The following ASTN2 variants were observed in gnomAD, a reference collection of about 807,000 sequenced individuals.
ASTN2 encodes the protein astrotactin 2.
Under a neutral mutation model 139.8 loss-of-function variants are expected in ASTN2, and 54 were observed. The ratio of observed to expected loss-of-function variants is 0.39; its 90% confidence interval spans 0.31 to 0.48. The LOEUF (loss-of-function observed/expected upper bound fraction) is 0.48. ASTN2 is among the 20% of genes least tolerant of loss of function. The pLI is 0.95. For missense variants in ASTN2, 1,565 were observed against 1,725.1 expected, an observed-to-expected ratio of 0.91 and a Z score of 1.64; for synonymous variants, 756 against 719.5, an observed-to-expected ratio of 1.05 and a Z score of -0.81.
intron 22 of ASTN2, among the ~76,000 whole-genome samples, chr9:116,428,524 CAA>C (rs56925314): frequency 1.5e-4 from 20 of 133,464 alleles, no homozygotes; most frequent in African/African-American, 5.1e-4. Flanking sequence ...AACTCCACCT[CAA>C]AAAAAAAAAA....
At chr9:116,431,420 G>A (rs1057282536) in intron 22 of ASTN2, among the ~76,000 whole-genome samples, 1 of 152,166 alleles carries the variant, frequency 6.6e-6, no homozygotes, top group African/African-American at 2.4e-5. Context: ...GAGGGCAGAG[G>A]TTAAGGGAAG....
chr9:116,775,435 GGAGGAGAGGAGAAGA>G (rs1377719263), intron 13 of ASTN2, among the ~76,000 whole-genome samples: 4 of 147,970 alleles, frequency 2.7e-5, no homozygotes, highest in Non-Finnish European at 6.0e-5. Context: ...AGAGAGGGAG[GGAGGAGAGGAGAAGA>G]GAGGAGAGGA....
chr9:117,169,191 A>C (rs1830734660), intron 3 of ASTN2, among the ~76,000 whole-genome samples: 3 of 113,108 alleles, frequency 2.7e-5, no homozygotes, highest in Admixed American at 2.2e-4. Flanking sequence ...AGGGAAAATA[A>C]AAAGGAAGAA....
chr9:117,405,933 G>A (rs1830973012), intron 1 of ASTN2, among the ~76,000 whole-genome samples: 1 of 152,238 alleles, frequency 6.6e-6, no homozygotes, highest in Non-Finnish European at 1.5e-5. Flanking sequence ...GGAGAAGGTA[G>A]CAGCAATGGC....
At chr9:117,103,482 A>G (rs559258362) in intron 4 of ASTN2, among the ~76,000 whole-genome samples, 10 of 152,274 alleles carry the variant, frequency 6.6e-5, no homozygotes, top group Non-Finnish European at 1.3e-4. Flanking sequence ...GTTATGGAAA[A>G]GTATGGAGCA....
chr9:116,822,978 G>T (rs183137506), intron 11 of ASTN2, among the ~76,000 whole-genome samples: 172 of 152,268 alleles, frequency 1.1e-3, no homozygotes, highest in African/African-American at 3.9e-3. Context: ...GCGATGTGGG[G>T]GTGGAACAGA....
chr9:117,061,387 A>G (rs975844832), intron 5 of ASTN2, among the ~76,000 whole-genome samples: 1 of 152,146 alleles, frequency 6.6e-6, no homozygotes, highest in African/African-American at 2.4e-5. Flanking sequence ...CCTATTATTA[A>G]TGTTGCTCTT....
At chr9:116,758,081 T>TGG (rs1037138856) in intron 13 of ASTN2, among the ~76,000 whole-genome samples, 13 of 152,150 alleles carry the variant, frequency 8.5e-5, no homozygotes, top group African/African-American at 2.9e-4. Flanking sequence ...TGTGCCTCAG[T>TGG]TTCCTCCCCT....
intron 1 of ASTN2, among the ~76,000 whole-genome samples, chr9:117,300,743 G>A (rs1327033508): frequency 6.6e-6 from 1 of 152,190 alleles, no homozygotes; most frequent in African/African-American, 2.4e-5. Flanking sequence ...ACAGAAGGTG[G>A]AGAAGTGGCA....
chr9:116,779,453 G>T (rs538940830), intron 13 of ASTN2, among the ~76,000 whole-genome samples: 1 of 151,638 alleles, frequency 6.6e-6, no homozygotes, highest in African/African-American at 2.4e-5. Context: ...GCCTCCAGGA[G>T]CATGAAAAAA....
At chr9:117,052,989 A>T (rs528181121) in intron 5 of ASTN2, among the ~76,000 whole-genome samples, 1 of 152,348 alleles carries the variant, frequency 6.6e-6, no homozygotes, top group East Asian at 1.9e-4. Flanking sequence ...CTTTGAAGCA[A>T]GAAAGGCTCA....
Position 116,425,991 on chromosome 9 carries a change from G to C in ASTN2, c.3880C>G (p.Pro1294Ala). The C allele has an allele frequency of 6.2e-7, 1 of 1,614,178 alleles. No homozygotes were observed. The highest frequency in any genetic ancestry group is 1.7e-5 in the Admixed American group (1 of 60,022). Residue 1294 changes from proline to alanine, a missense_variant, in exon 23 of 23, where the codon CCC (proline) becomes GCC (alanine). This residue lies in a region of ASTN2 where 418 missense variants were observed against 465.8 expected (regional missense o/e 0.90). Transcript: ENST00000313400. ...AYIQSRVETV[P>A]YLFCRSEEVR... ...TCCTCGCTGCGGCAGAAAAGATAGG[G>C]CACTGTTTCCACGCGGCTCTGGATG...
At chr9:116,934,456 C>T (rs1435844368) in intron 10 of ASTN2, among the ~76,000 whole-genome samples, 1 of 152,174 alleles carries the variant, frequency 6.6e-6, no homozygotes, top group Non-Finnish European at 1.5e-5. Flanking sequence ...GGCTAGTATA[C>T]ACCTAAGTGA....
intron 19 of ASTN2, among the ~76,000 whole-genome samples, chr9:116,541,363 CAGAG>C (rs1403594685): frequency 6.6e-6 from 1 of 152,106 alleles, no homozygotes; most frequent in African/African-American, 2.4e-5. Context: ...ATGGACAATA[CAGAG>C]AGTGAGAAAG....
chr9:116,864,628 T>C (rs1267720256), intron 10 of ASTN2, among the ~76,000 whole-genome samples: 2 of 152,072 alleles, frequency 1.3e-5, no homozygotes, highest in African/African-American at 4.8e-5. Context: ...TACAGGAGAT[T>C]TTAAAGAAGC....
At chr9:117,008,286 T>C in intron 6 of ASTN2, 27 bp from the exon 7 acceptor site, 1 of 1,553,646 alleles carries the variant, frequency 6.4e-7, no homozygotes, top group Non-Finnish European at 8.7e-7. Flanking sequence ...AGACAGATAC[T>C]TTCTTACTGA....
rs117468443 is a variant in ASTN2 at position 116,756,253 on chromosome 9, C to T, written c.2397-22730G>A. Among the ~76,000 whole-genome samples, 1,107 of 152,270 alleles carry T rather than the reference C, an allele frequency of 7.3e-3. 21 individuals are homozygous for T. Among genetic ancestry groups the T allele is most frequent in the East Asian group, 0.06 (309 of 5,174 alleles). On this transcript the variant is annotated intron_variant, in intron 13 of 22. Coordinates refer to ENST00000313400, the MANE Select transcript of ASTN2 (RefSeq NM_001365068.1). ...TTAAGCTACATTTCTAGGAACTCCGCAGAGAACAAGCTCTAGGGGCTCAAA... is the reference window on the plus strand; with the variant it reads ...TTAAGCTACATTTCTAGGAACTCCGTAGAGAACAAGCTCTAGGGGCTCAAA...
intron 11 of ASTN2, among the ~76,000 whole-genome samples, chr9:116,840,048 G>C (rs1832160938): frequency 6.8e-6 from 1 of 147,686 alleles, no homozygotes; most frequent in African/African-American, 2.6e-5. Context: ...TGTGTCCCTG[G>C]GTACTTGAGA....
chr9:116,541,106 G>A (rs1851860682), intron 19 of ASTN2, among the ~76,000 whole-genome samples: 1 of 152,002 alleles, frequency 6.6e-6, no homozygotes, highest in Admixed American at 6.6e-5. Flanking sequence ...TATTAGGCTG[G>A]TATAGTTGTA....
Sources: gnomAD v4.1 joint callset for allele counts (sites outside exome capture counted in the v4.1 genomes callset) on GRCh38, gnomAD v4.1.1 for gene constraint, gnomAD v4.1.1 regional missense constraint, MANE v1.5 for transcripts, NCBI Gene and HGNC (gene_info 2026-07-23, HGNC 2026-07-21) for gene names.